Variants in CELF5 observed in about 807,000 individuals in gnomAD.
The protein encoded by CELF5 is CUG-BP and ETR-3 like factor 5.
A neutral mutation model predicts 54.9 loss-of-function variants in CELF5; 6 were observed. The observed-to-expected ratio is 0.11, with a 90% CI of 0.06 to 0.22. The LOEUF (loss-of-function observed/expected upper bound fraction) is 0.22. Among genes scored for constraint, CELF5 ranks in the 10% least tolerant of loss-of-function variants. The probability of loss-of-function intolerance (pLI) is 1.00; values close to 1 mark genes in which losing one functional copy is unlikely to be tolerated. For synonymous variants in CELF5, 271 were observed against 290.9 expected, an observed-to-expected ratio of 0.93 and a Z score of 0.70; for missense variants, 401 against 678.6, an observed-to-expected ratio of 0.59 and a Z score of 4.54.
At chr19:3,284,776 G>A in intron 8 of CELF5, 126 bp from the exon 9 acceptor site, 1 of 801,676 alleles carries the variant, frequency 1.2e-6, no homozygotes. Context: ...TGGTCCTACA[G>A]AGGGTTTAGC....
chr19:3,285,210 C>G (rs1014075518), intron 9 of CELF5, among the ~76,000 whole-genome samples: 74 of 152,204 alleles, frequency 4.9e-4, no homozygotes, highest in African/African-American at 1.7e-3. Context: ...AAGGACAGCG[C>G]TTACCCATGG....
chr19:3,251,439 C>T (rs77064631), intron 2 of CELF5, among the ~76,000 whole-genome samples: 2,784 of 152,014 alleles, frequency 0.018, 35 homozygotes, highest in Non-Finnish European at 0.026. Flanking sequence ...GTTGGAGGAA[C>T]AGGGAGGAGG....
intron 2 of CELF5, among the ~76,000 whole-genome samples, chr19:3,255,436 G>A (rs55782982): frequency 4.5e-4 from 69 of 152,142 alleles, no homozygotes; most frequent in African/African-American, 1.7e-3. Context: ...CACCTGCCTC[G>A]GCCTCCCAAA....
At chr19:3,284,843 G>C in intron 8 of CELF5, 59 bp from the exon 9 acceptor site, 1 of 1,450,052 alleles carries the variant, frequency 6.9e-7, no homozygotes, top group Non-Finnish European at 9.7e-7. Flanking sequence ...TTAAGGATCG[G>C]GGGTGGATGG....
At chr19:3,273,995 T>A in intron 3 of CELF5, 72 bp downstream of exon 3, 2 of 1,481,708 alleles carry the variant, frequency 1.3e-6, no homozygotes, top group Non-Finnish European at 1.9e-6. Context: ...ATCTCTTCCT[T>A]CCTCTCTCCT....
intron 2 of CELF5, among the ~76,000 whole-genome samples, chr19:3,251,365 G>A (rs2079644623): frequency 6.6e-6 from 1 of 152,174 alleles, no homozygotes; most frequent in Non-Finnish European, 1.5e-5. Context: ...TGAAGGATAA[G>A]GAAGCATTAG....
chr19:3,245,181 T>C (rs2079548732), intron 1 of CELF5, among the ~76,000 whole-genome samples: 1 of 147,558 alleles, frequency 6.8e-6, no homozygotes, highest in African/African-American at 2.5e-5. Flanking sequence ...TGTCTTTGCG[T>C]GTGTGTGTGG....
chr19:3,245,284 CGTGT>C (rs940273007), intron 1 of CELF5, among the ~76,000 whole-genome samples: 3 of 127,428 alleles, frequency 2.4e-5, no homozygotes, highest in Admixed American at 1.7e-4. Context: ...TGTGTGTGTG[CGTGT>C]GTGTTTGCAT....
In CELF5 at chr19:3,275,857, G is replaced by C. The variant is rs2080040315; in HGVS notation, c.396G>C (p.Arg132Ser). The change falls in exon 4 of 13, where the codon AGG (arginine) becomes AGC (serine). Residue 132 changes from arginine to serine, a missense_variant and splice_region_variant. Arg to Ser is a moderately radical substitution (Grantham distance 110). Transcript: ENST00000292672. This position sits in a 1 kb window ranked among gnomAD's most constrained non-coding sequence, Gnocchi z 6.7. ...KPADSESRGG[R>S]DRKLFVGMLN... ...TGAGGTGGGTGTCGCCGCCCACAGGGGACCGGAAGCTGTTCGTGGGGATGC... is the reference window on the plus strand; with the variant it reads ...TGAGGTGGGTGTCGCCGCCCACAGGCGACCGGAAGCTGTTCGTGGGGATGC... 6.2e-7 allele frequency: 1 copy of C among 1,608,462 alleles called. No homozygotes were observed. The highest frequency in any genetic ancestry group is 1.1e-5 in the South Asian group (1 of 90,918).
Position 3,278,338 on chromosome 19 carries a change from ATG to A in CELF5, c.603+235_603+236del, listed in dbSNP as rs1488992770. 2.0e-5 allele frequency among the ~76,000 whole-genome samples: 3 copies of A among 151,816 alleles called. No homozygotes were observed. The highest frequency in any genetic ancestry group is 7.3e-5 in the African/African-American group (3 of 41,312). ...GGAGGTGAGTAGGCAAGCGAAGTGT[ATG>A]TGTGTGCATGGATGTATTACAAGTG... On this transcript the variant is annotated intron_variant, in intron 5 of 12. Transcript: ENST00000292672. This position sits in a 1 kb window ranked among gnomAD's most constrained non-coding sequence, Gnocchi z 4.5.
chr19:3,278,169 G>C lies in CELF5; in HGVS notation c.603+59G>C. On this transcript the variant is annotated intron_variant, in intron 5 of 12. Transcript: ENST00000292672. This position sits in a 1 kb window ranked among gnomAD's most constrained non-coding sequence, Gnocchi z 4.5. Reference sequence around the variant, plus strand: ...GGGTGGGAAAGGGGTGAGGGGGACAGGGATGAAACAGGCCATATTCCTACC... The same window carrying C: ...GGGTGGGAAAGGGGTGAGGGGGACACGGATGAAACAGGCCATATTCCTACC... 9.0e-7 allele frequency: 1 copy of C among 1,107,094 alleles called. No individual in the cohort carries two copies. The highest frequency in any genetic ancestry group is 1.3e-5 in the South Asian group (1 of 76,116). 68.6% of individuals were successfully genotyped at this position (1,107,094 alleles called of 1,614,324 possible).
In CELF5 at chr19:3,224,694, G is replaced by A. The variant is rs1916785584; in HGVS notation, c.-46G>A. The A allele has an allele frequency of 1.6e-5, 16 of 996,510 alleles. No individual in the cohort carries two copies. Among genetic ancestry groups the A allele is most frequent in the African/African-American group, 1.8e-5 (1 of 56,852 alleles). The allele number at this position is 996,510 out of a possible 1,614,324, so 61.7% of individuals were successfully genotyped here. On this transcript the variant is annotated 5_prime_UTR_variant, in exon 1 of 13. Transcript: ENST00000292672. The stretch of plus-strand genomic sequence containing the variant: ...CGGCCGCCGCTCCAGCTGCGAGTCC[G>A]CCCGCCGCCCGCCGCCGCCGCCGCC...
At chr19:3,235,916 G>A (rs1599389476) in intron 1 of CELF5, among the ~76,000 whole-genome samples, 4 of 152,288 alleles carry the variant, frequency 2.6e-5, no homozygotes, top group Admixed American at 2.6e-4. Context: ...TGGACAGTTG[G>A]GTGGGTGTAT....
chr19:3,277,988 G>A (rs368367834), intron 4 of CELF5, 43 bp from the exon 5 acceptor site: 32 of 1,547,642 alleles, frequency 2.1e-5, no homozygotes, highest in Non-Finnish European at 2.6e-5. Flanking sequence ...AGCCAGTCCT[G>A]TGACCCCATC....
intron 10 of CELF5, among the ~76,000 whole-genome samples, chr19:3,288,016 G>A (rs868543505): frequency 1.3e-5 from 2 of 152,164 alleles, no homozygotes; most frequent in African/African-American, 2.4e-5. Context: ...GCATGACCCC[G>A]GATGGGGAAG....
chr19:3,295,408 T>C (rs920790682), intron 12 of CELF5: 3 of 152,082 alleles, frequency 2.0e-5, no homozygotes, highest in Non-Finnish European at 4.4e-5. Context: ...ATATTTTGAG[T>C]ACGGATCATG....
At chr19:3,247,654 A>G (rs2079586176) in intron 1 of CELF5, among the ~76,000 whole-genome samples, 2 of 151,710 alleles carry the variant, frequency 1.3e-5, no homozygotes, top group South Asian at 4.2e-4. Flanking sequence ...ATCATTTGTT[A>G]CATTGCACGC....
chr19:3,235,353 A>G (rs1377302546), intron 1 of CELF5, among the ~76,000 whole-genome samples: 2 of 150,922 alleles, frequency 1.3e-5, no homozygotes, highest in Non-Finnish European at 2.9e-5. Context: ...CTAACATACT[A>G]TATATATCGC....
intron 2 of CELF5, among the ~76,000 whole-genome samples, chr19:3,256,162 C>T (rs910046965): frequency 2.0e-5 from 3 of 152,106 alleles, no homozygotes; most frequent in Non-Finnish European, 2.9e-5. Context: ...AAATTTCTCA[C>T]TCCCCAGACA....
Sources: gnomAD v4.1 joint callset for allele counts (sites outside exome capture counted in the v4.1 genomes callset) on GRCh38, gnomAD v4.1.1 for gene constraint, Gnocchi (gnomAD v3.1) non-coding constraint, MANE v1.5 for transcripts, NCBI Gene and HGNC (gene_info 2026-07-23, HGNC 2026-07-21) for gene names.